Variants in PIP5K1A observed in about 807,000 individuals in gnomAD.
PIP5K1A encodes phosphatidylinositol-4-phosphate 5-kinase type 1 alpha.
PIP5K1A carries 46 observed loss-of-function variants against 72.9 expected under a neutral mutation model. That is an observed-to-expected ratio of 0.63 (90% CI 0.50 to 0.81). The LOEUF (loss-of-function observed/expected upper bound fraction) is 0.81. Ranked by LOEUF, PIP5K1A falls within the 30% of genes least tolerant of loss-of-function variation. The probability of loss-of-function intolerance (pLI) is 0.00; values close to 1 mark genes in which losing one functional copy is unlikely to be tolerated. For missense variants in PIP5K1A, 458 were observed against 706.1 expected, an observed-to-expected ratio of 0.65 and a Z score of 3.98; for synonymous variants, 228 against 255.1, an observed-to-expected ratio of 0.89 and a Z score of 1.01.
At chr1:151,238,914 G>A (rs1271992589) in intron 10 of PIP5K1A, among the ~76,000 whole-genome samples, 1 of 152,074 alleles carries the variant, frequency 6.6e-6, no homozygotes, top group African/African-American at 2.4e-5. Context: ...TTCCCATGGG[G>A]GGAATAATTG....
intron 1 of PIP5K1A, among the ~76,000 whole-genome samples, chr1:151,206,195 CT>C (rs1685904223): frequency 6.6e-6 from 1 of 152,076 alleles, no homozygotes; most frequent in Admixed American, 6.5e-5. Flanking sequence ...CTCCATTTTT[CT>C]TTATTCTCCT....
chr1:151,205,631 C>G (rs751164265), intron 1 of PIP5K1A, among the ~76,000 whole-genome samples: 1 of 151,906 alleles, frequency 6.6e-6, no homozygotes, highest in African/African-American at 2.4e-5. Flanking sequence ...AACCCTGTCT[C>G]TACAAAAAAT....
chr1:151,224,457 T>C (rs1688826038), intron 3 of PIP5K1A, 51 bp downstream of exon 3: 1 of 1,249,362 alleles, frequency 8.0e-7, no homozygotes, highest in Non-Finnish European at 1.2e-6. Context: ...ATTTTAAATA[T>C]TAACAATATC....
Position 151,217,540 on chromosome 1 carries a change from T to C in PIP5K1A, c.86-6705T>C, listed in dbSNP as rs1687817277. ...GCTCCTTTATGTACAGTAGGTGGAA[T>C]TGTTCATTTTTTCAGAAGCATTTTA... On this transcript the variant is annotated intron_variant, in intron 1 of 15. Transcript: ENST00000368888. 2.0e-5 allele frequency among the ~76,000 whole-genome samples: 3 copies of C among 152,118 alleles called. No homozygotes were observed. The South Asian group carries it at 6.2e-4, about 31-fold the overall frequency.
rs145725559 is a variant in PIP5K1A, at chr1:151,242,380, G to A, written c.1511-58G>A. 422 of 1,606,792 alleles carry A rather than the reference G, an allele frequency of 2.6e-4. 2 individuals carry two copies. In the African/African-American group the frequency reaches 4.7e-3, roughly 18 times the overall value. On this transcript the variant is annotated intron_variant, in intron 13 of 15. Transcript: ENST00000368888. ...CTCCCATTTCTATCCAGGAAGCCTA[G>A]CTGCTACATATTTTTCCTTGTATTT...
intron 1 of PIP5K1A, among the ~76,000 whole-genome samples, chr1:151,216,900 G>GTTTTTTTTTTTTTTTTTTTTTTTTT (rs78155966): frequency 7.3e-6 from 1 of 136,674 alleles, no homozygotes. Flanking sequence ...CTTAGTAAAT[G>GTTTTTTTTTTTTTTTTTTTTTTTTT]TTTTTTTTTT....
chr1:151,215,366 T>C (rs372727909), intron 1 of PIP5K1A, among the ~76,000 whole-genome samples: 1 of 149,222 alleles, frequency 6.7e-6, no homozygotes, highest in Non-Finnish European at 1.5e-5. Flanking sequence ...GGAGTCTCAT[T>C]GTGTCATCCA....
intron 1 of PIP5K1A, among the ~76,000 whole-genome samples, chr1:151,221,501 TAATG>T (rs1688393126): frequency 6.6e-6 from 1 of 152,190 alleles, no homozygotes; most frequent in Non-Finnish European, 1.5e-5. Flanking sequence ...AGACTGATGA[TAATG>T]AAGACATTGG....
chr1:151,228,531 G>A (rs1689497228), intron 4 of PIP5K1A, among the ~76,000 whole-genome samples: 1 of 152,112 alleles, frequency 6.6e-6, no homozygotes. Flanking sequence ...AATATCAAAT[G>A]GACTGGAAAG....
rs148557613 is a variant in PIP5K1A at position 151,215,907 on chromosome 1, T to C, written c.86-8338T>C. 561 of 1,027,654 alleles carry C rather than the reference T, an allele frequency of 5.5e-4. 3 individuals are homozygous for C. In the Middle Eastern group the frequency reaches 0.019, roughly 35 times the overall value. 63.7% of individuals were successfully genotyped at this position (1,027,654 alleles called of 1,614,324 possible). A position where few individuals can be genotyped will look rare whatever the true frequency, so the allele number is the denominator to read the frequency against. ...TTAAAAACATGTATGCTTATCATGC[T>C]GTAAGCAAATGGGACCCCAGGAGTA... On this transcript the variant is annotated intron_variant, in intron 1 of 15. Coordinates refer to ENST00000368888, the MANE Select transcript of PIP5K1A (RefSeq NM_001135638.2).
chr1:151,238,707 A>C, intron 10 of PIP5K1A: 1 of 231,920 alleles, frequency 4.3e-6, no homozygotes, highest in Non-Finnish European at 8.5e-6. Flanking sequence ...ATCAGGGAGG[A>C]GCTGGAATTG....
intron 1 of PIP5K1A, among the ~76,000 whole-genome samples, chr1:151,201,357 G>GT (rs369894732): frequency 0.01 from 1,479 of 146,002 alleles, 31 homozygotes; most frequent in African/African-American, 0.034. Flanking sequence ...TGTTTTTGTG[G>GT]TTTTTTTTTT....
At chr1:151,244,502 A>G (rs1000938266) in intron 14 of PIP5K1A, among the ~76,000 whole-genome samples, 18 of 152,142 alleles carry the variant, frequency 1.2e-4, no homozygotes, top group African/African-American at 4.3e-4. Flanking sequence ...AAAAATACAA[A>G]AAAATTAGCC....
At chr1:151,214,114 G>GGT (rs1211191330) in intron 1 of PIP5K1A, among the ~76,000 whole-genome samples, 1 of 151,818 alleles carries the variant, frequency 6.6e-6, no homozygotes, top group Non-Finnish European at 1.5e-5. Context: ...TAAAAATAAT[G>GGT]GTTATATAGT....
intron 4 of PIP5K1A, among the ~76,000 whole-genome samples, chr1:151,229,373 T>A (rs1407121095): frequency 6.6e-6 from 1 of 150,426 alleles, no homozygotes; most frequent in Non-Finnish European, 1.5e-5. Context: ...TTTTTTTTTT[T>A]TTTTCCTGAG....
chr1:151,221,182 G>A (rs1688348381), intron 1 of PIP5K1A, among the ~76,000 whole-genome samples: 2 of 152,208 alleles, frequency 1.3e-5, no homozygotes, highest in South Asian at 4.1e-4. Context: ...GGCTTCCAAA[G>A]TGTTTATACA....
intron 1 of PIP5K1A, among the ~76,000 whole-genome samples, chr1:151,208,778 G>A (rs1183417535): frequency 3.9e-5 from 5 of 127,448 alleles, no homozygotes; most frequent in Admixed American, 3.0e-4. Context: ...TGTTGCCCAG[G>A]CTGGGGTGCA....
In PIP5K1A at chr1:151,206,879, A is replaced by G. The variant is rs1372002973; in HGVS notation, c.85+7798A>G. Among the ~76,000 whole-genome samples, 3 of 147,038 alleles carry G rather than the reference A, an allele frequency of 2.0e-5. No individual in the cohort carries two copies. The East Asian group carries it at 6.2e-4, about 30-fold the overall frequency. ...CCTTCCCGGCTATTTTTGTATTTTT[A>G]GTAGAGACGGGGTTTCGCCATGTTC... On this transcript the variant is annotated intron_variant, in intron 1 of 15. Coordinates refer to ENST00000368888, the MANE Select transcript of PIP5K1A (RefSeq NM_001135638.2).
intron 1 of PIP5K1A, among the ~76,000 whole-genome samples, chr1:151,202,448 C>T (rs2101867229): frequency 6.6e-6 from 1 of 152,248 alleles, no homozygotes; most frequent in East Asian, 1.9e-4. Flanking sequence ...GACAAAGAAA[C>T]ACTCTCTTCC....
Sources: gnomAD v4.1 joint callset for allele counts (sites outside exome capture counted in the v4.1 genomes callset) on GRCh38, gnomAD v4.1.1 for gene constraint, MANE v1.5 for transcripts, NCBI Gene and HGNC (gene_info 2026-07-23, HGNC 2026-07-21) for gene names.